Variants in AURKB observed in about 807,000 individuals in gnomAD.
The protein encoded by AURKB is aurora kinase B-Sv1.
A neutral mutation model predicts 36.5 loss-of-function variants in AURKB; 28 were observed. The observed-to-expected ratio is 0.77, with a 90% CI of 0.57 to 1.05. The LOEUF (loss-of-function observed/expected upper bound fraction) is 1.05, where lower values mean the gene tolerates loss of function less well. Among genes scored for constraint, AURKB ranks in the 50% least tolerant of loss-of-function variants. The pLI is 0.00. For synonymous variants in AURKB, 175 were observed against 172.9 expected, an observed-to-expected ratio of 1.01 and a Z score of -0.09; for missense variants, 383 against 447.4, an observed-to-expected ratio of 0.86 and a Z score of 1.30.
chr17:8,207,903 T>C, intron 2 of AURKB, 63 bp from the exon 3 acceptor site: 1 of 1,365,988 alleles, frequency 7.3e-7, no homozygotes, highest in East Asian at 2.4e-5. Context: ...TGGAATGTGC[T>C]GCAAGCAGTA....
rs748524537 is a variant in AURKB, at chr17:8,206,720, C to T, written c.537+30G>A. ...CACACCCTCAGCCTCGAGCCCCCTA[C>T]TGGCGCCCCAGGTGCCCACCCGCCC... On this transcript the variant is annotated intron_variant, in intron 6 of 8. Transcript: ENST00000585124. This position sits in a 1 kb window ranked among gnomAD's most constrained non-coding sequence, Gnocchi z 4.2. The T allele has an allele frequency of 1.2e-6, 2 of 1,612,646 alleles. No homozygotes were observed. The highest frequency in any genetic ancestry group is 4.5e-5 in the East Asian group (2 of 44,856).
At chr17:8,208,934 C>T (rs978211674) in intron 2 of AURKB, among the ~76,000 whole-genome samples, 1 of 152,096 alleles carries the variant, frequency 6.6e-6, no homozygotes, top group Non-Finnish European at 1.5e-5. Context: ...ATAGCAATAA[C>T]CAGGATTTAC....
chr17:8,207,976 G>T, intron 2 of AURKB, 136 bp from the exon 3 acceptor site: 1 of 685,544 alleles, frequency 1.5e-6, no homozygotes, highest in Non-Finnish European at 2.4e-6. Context: ...AAACACTGAT[G>T]TGACAGTTTT....
At chr17:8,208,270 C>G (rs570144782) in intron 2 of AURKB, 1 of 155,982 alleles carries the variant, frequency 6.4e-6, no homozygotes, top group South Asian at 1.8e-4. Flanking sequence ...ACTAAAAATA[C>G]AAAAATTAGC....
In AURKB at chr17:8,207,741, T is replaced by C. The variant is rs1442898027; in HGVS notation, c.148A>G (p.Thr50Ala). Residue 50 changes from threonine to alanine, a missense_variant, in exon 3 of 9, where the codon ACA (threonine) becomes GCA (alanine). By Grantham distance (58) the Thr-to-Ala change is moderately conservative. Coordinates refer to ENST00000585124, the MANE Select transcript of AURKB (RefSeq NM_004217.4). Reference protein sequence around the residue: ...VLMSRSNVQPTAAPGQKVMEN... With the variant: ...VLMSRSNVQPAAAPGQKVMEN... The stretch of plus-strand genomic sequence containing the variant: ...CTCTCCCCCTTGCGCCAGTTACCTG[T>C]GGGCTGGACATTGGAGCGGCTCATG... 6.2e-7 allele frequency: 1 copy of C among 1,614,032 alleles called. No individual in the cohort carries two copies. Among genetic ancestry groups the C allele is most frequent in the Admixed American group, 1.7e-5 (1 of 60,008 alleles).
intron 1 of AURKB, 57 bp from the exon 2 acceptor site, chr17:8,210,306 G>GCCA: frequency 7.8e-7 from 1 of 1,276,930 alleles, no homozygotes. Context: ...AGAGAGGGAG[G>GCCA]GGTTGGACCG....
At position 8,206,719 on chromosome 17, in the gene AURKB, A is replaced by C. The variant is rs1985338778; in HGVS notation, c.537+31T>G. The C allele has an allele frequency of 6.2e-7, 1 of 1,612,554 alleles. No individual in the cohort carries two copies. The highest frequency in any genetic ancestry group is 1.3e-5 in the African/African-American group (1 of 74,910). ...GCACACCCTCAGCCTCGAGCCCCCT[A>C]CTGGCGCCCCAGGTGCCCACCCGCC... On this transcript the variant is annotated intron_variant, in intron 6 of 8. Transcript: ENST00000585124. This position sits in a 1 kb window ranked among gnomAD's most constrained non-coding sequence, Gnocchi z 4.2.
chr17:8,206,107 G>T lies in AURKB; in HGVS notation c.686+384C>A, dbSNP rs571881419. On this transcript the variant is annotated intron_variant, in intron 7 of 8. Transcript: ENST00000585124. The surrounding 1 kb of genome is among the most constrained non-coding windows in gnomAD (Gnocchi z 4.2). ...CAGGGATCAAACCTGCGACCTTGGG[G>T]TTATTAGCACCACACTCTAACCATT... Among the ~76,000 whole-genome samples the T allele has an allele frequency of 1.2e-3, 184 of 150,906 alleles. 2 individuals are homozygous for T. Among genetic ancestry groups the T allele is most frequent in the African/African-American group, 4.4e-3 (181 of 41,162 alleles).
rs1985965966 is a variant in AURKB at position 8,210,534 on chromosome 17, G to T, written c.-30C>A. On this transcript the variant is annotated 5_prime_UTR_variant, in exon 1 of 9. Transcript: ENST00000585124. ...TGCGACAGGAGGCCAGCTCACCTGG[G>T]GTCCAAGGCACTGCTACTCTCCCGG... 2 of 443,630 alleles carry T rather than the reference G, an allele frequency of 4.5e-6. No individual in the cohort carries two copies. Among genetic ancestry groups the T allele is most frequent in the African/African-American group, 2.1e-5 (1 of 48,050 alleles). The allele number at this position is 443,630 out of a possible 1,614,324, so 27.5% of individuals were successfully genotyped here. A position where few individuals can be genotyped will look rare whatever the true frequency, so the allele number is the denominator to read the frequency against.
chr17:8,206,467 G>T lies in AURKB; in HGVS notation c.686+24C>A, dbSNP rs1040653199. ...TTTAATGGCCCAGCCTCACACCCAG[G>T]TCTGGCCTCCCAGGCCACCATACCT... On this transcript the variant is annotated intron_variant, in intron 7 of 8. Coordinates refer to ENST00000585124, the MANE Select transcript of AURKB (RefSeq NM_004217.4). This position sits in a 1 kb window ranked among gnomAD's most constrained non-coding sequence, Gnocchi z 4.2. 4 of 1,613,572 alleles carry T rather than the reference G, an allele frequency of 2.5e-6. No homozygotes were observed. The African/African-American group carries it at 4.0e-5, about 16-fold the overall frequency.
intron 2 of AURKB, among the ~76,000 whole-genome samples, chr17:8,209,596 T>C (rs2151478886): frequency 6.6e-6 from 1 of 152,286 alleles, no homozygotes; most frequent in East Asian, 1.9e-4. Context: ...GCAAGTTGAA[T>C]AAAATACAGT....
At chr17:8,205,134 C>T in intron 8 of AURKB, 82 bp downstream of exon 8, 1 of 1,548,302 alleles carries the variant, frequency 6.5e-7, no homozygotes, top group Non-Finnish European at 8.7e-7. Flanking sequence ...TTACTTAGGG[C>T]CATGCAAATA....
At chr17:8,209,950 T>A (rs1985883291) in intron 2 of AURKB, 1 of 615,184 alleles carries the variant, frequency 1.6e-6, no homozygotes, top group Admixed American at 2.8e-5. Flanking sequence ...GCAGAGGTCC[T>A]CACCAGCTGG....
At position 8,207,838 on chromosome 17, in the gene AURKB, A is replaced by C; in HGVS notation, c.51T>G (p.Ala17=). 6.2e-7 allele frequency: 1 copy of C among 1,610,962 alleles called. No homozygotes were observed. Among genetic ancestry groups the C allele is most frequent in the Non-Finnish European group, 8.5e-7 (1 of 1,178,602 alleles). Residue 17 remains alanine, a splice_region_variant and synonymous_variant, in exon 3 of 9, where the codon GCT becomes GCG. Coordinates refer to ENST00000585124, the MANE Select transcript of AURKB (RefSeq NM_004217.4). ...SYPWPYGRQT[A]PSGLSTLPQR... is the part of the protein sequence containing the mutation. ...GGGGCAGGGTGCTCAGGCCAGATGG[A>C]GCCTGAGAAGGAGCAGGGGGTAGCT...
chr17:8,207,472 T>C, intron 4 of AURKB, 99 bp downstream of exon 4: 1 of 1,561,244 alleles, frequency 6.4e-7, no homozygotes, highest in Non-Finnish European at 8.7e-7. Flanking sequence ...CCCACTTGTC[T>C]TCATCCCTAC....
In AURKB at chr17:8,205,294, C is replaced by T. The variant is rs1003987329; in HGVS notation, c.783G>A (p.Val261=). ...TCCCCACCAGCAGCTCATAGCAAAG[C>T]ACTCCAATGCACCACAGATCCACCT... ...NEKVDLWCIG[V]LCYELLVGNP... The change falls in exon 8 of 9, where the codon GTG becomes GTA. Residue 261 remains valine (V), a synonymous_variant. Transcript: ENST00000585124. 2 of 1,614,210 alleles carry T rather than the reference C, an allele frequency of 1.2e-6. No homozygotes were observed. The highest frequency in any genetic ancestry group is 1.7e-6 in the Non-Finnish European group (2 of 1,180,038).
In AURKB at chr17:8,207,568, T is replaced by TA; in HGVS notation, c.206+2dup. ...CGTCCACCCCCAGGCTTGGGGCACTTACGTTAAGATGTCGGGTGTCCCACT... is the reference window on the plus strand; with the variant it reads ...CGTCCACCCCCAGGCTTGGGGCACTTAACGTTAAGATGTCGGGTGTCCCACT... On this transcript the variant is annotated splice_region_variant and intron_variant, in intron 4 of 8. Coordinates refer to ENST00000585124, the MANE Select transcript of AURKB (RefSeq NM_004217.4). The TA allele has an allele frequency of 6.2e-7, 1 of 1,613,140 alleles. No homozygotes were observed. The highest frequency in any genetic ancestry group is 8.5e-7 in the Non-Finnish European group (1 of 1,179,358).
intron 2 of AURKB, chr17:8,209,848 T>TC (rs2151479262): frequency 2.4e-6 from 1 of 413,846 alleles, no homozygotes; most frequent in East Asian, 4.5e-5. Flanking sequence ...CTGTCTAGTT[T>TC]TTTTTTTTTC....
intron 8 of AURKB, 42 bp from the exon 9 acceptor site, chr17:8,205,086 C>G: frequency 6.4e-7 from 1 of 1,557,358 alleles, no homozygotes. Context: ...TAGTTTCACC[C>G]TGGCTACATC....
Sources: gnomAD v4.1 joint callset for allele counts (sites outside exome capture counted in the v4.1 genomes callset) on GRCh38, gnomAD v4.1.1 for gene constraint, Gnocchi (gnomAD v3.1) non-coding constraint, MANE v1.5 for transcripts, NCBI Gene and HGNC (gene_info 2026-07-23, HGNC 2026-07-21) for gene names.